The following TMPRSS5 variants were observed in gnomAD, a reference collection of about 807,000 sequenced individuals.
The protein encoded by TMPRSS5 is transmembrane protease serine 5.
A neutral mutation model predicts 59.7 loss-of-function variants in TMPRSS5; 45 were observed. That is an observed-to-expected ratio of 0.75 (90% CI 0.59 to 0.97). The LOEUF (loss-of-function observed/expected upper bound fraction) is 0.97. Among genes scored for constraint, TMPRSS5 ranks in the 50% least tolerant of loss-of-function variants. TMPRSS5 has a pLI of 0.00. For missense variants in TMPRSS5, 585 were observed against 596.7 expected, an observed-to-expected ratio of 0.98 and a Z score of 0.20; for synonymous variants, 225 against 232.0, an observed-to-expected ratio of 0.97 and a Z score of 0.27.
intron 1 of TMPRSS5, among the ~76,000 whole-genome samples, chr11:113,703,781 T>A (rs1020165254): frequency 2.6e-5 from 4 of 152,220 alleles, no homozygotes; most frequent in Non-Finnish European, 5.9e-5. Context: ...CACTTCTTTC[T>A]CCTGCCAGCA....
intron 6 of TMPRSS5, among the ~76,000 whole-genome samples, chr11:113,696,297 C>T (rs1952926488): frequency 6.6e-6 from 1 of 152,148 alleles, no homozygotes; most frequent in South Asian, 2.1e-4. Context: ...AGACCCTCTC[C>T]GCTTGTGCCC....
At position 113,689,844 on chromosome 11, in the gene TMPRSS5, C is replaced by G; in HGVS notation, c.1280G>C (p.Arg427Pro). 6.3e-7 allele frequency: 1 copy of G among 1,593,464 alleles called. No individual in the cohort carries two copies. Among genetic ancestry groups the G allele is most frequent in the Non-Finnish European group, 8.5e-7 (1 of 1,170,100 alleles). The change falls in exon 12 of 13, where the codon CGT becomes CCT. Residue 427 changes from arginine (R) to proline (P), a missense_variant. Arg to Pro is a moderately radical substitution (Grantham distance 103). Coordinates refer to ENST00000299882, the MANE Select transcript of TMPRSS5 (RefSeq NM_030770.4). ...WRLVGVVSWG[R>P]GCAEPNHPGV... ...TGGGTGATTGGGCTCTGCGCAGCCA[C>G]GCCCCCAGCTGACCACCCCCACTAG...
rs530800664 is a variant in TMPRSS5 at position 113,699,215 on chromosome 11, C to G, written c.206-188G>C. Among the ~76,000 whole-genome samples the G allele has an allele frequency of 0.32, 6,502 of 20,284 alleles. 203 individuals carry two copies. The highest frequency in any genetic ancestry group is 0.4 in the African/African-American group (1,982 of 4,990). The allele number at this position is 20,284 out of a possible 152,430, so 13.3% of individuals were successfully genotyped here. ...TTGACTCTCCTTTGTCTGTCTGTCT[C>G]TCTCTCTCTCTCTCTCTCTCTCTCT... On this transcript the variant is annotated intron_variant, in intron 3 of 12. Coordinates refer to ENST00000299882, the MANE Select transcript of TMPRSS5 (RefSeq NM_030770.4).
rs775076525 is a variant in TMPRSS5, at chr11:113,689,903, GC to G, written c.1220del (p.Gly407AlafsTer3). The G allele has an allele frequency of 6.4e-7, 1 of 1,561,458 alleles. No individual in the cohort carries two copies. Among genetic ancestry groups the G allele is most frequent in the Non-Finnish European group, 8.7e-7 (1 of 1,152,678 alleles). On this transcript the variant is annotated frameshift_variant, in exon 12 of 13. Coordinates refer to ENST00000299882, the MANE Select transcript of TMPRSS5 (RefSeq NM_030770.4). LOFTEE classifies it high-confidence loss of function. ...TGTCCCCATCTGGGCACACTAGGGG[GC>G]CCCCGCTATCTCCCTAAGGGATCCA... ...RADACQGDSG[G>X]PLVCPDGDTW... is the part of the protein sequence containing the mutation.
rs1952761657 is a variant in TMPRSS5 at position 113,690,922 on chromosome 11, A to ACACAGCGCC, written c.973_981dup (p.Gly325_Val327dup). Reference sequence around the variant, plus strand: ...AAATGCTGTTCCTTGGCCGGCAGGCACACAGCGCCCACAGTGTCTGTAGAG... The same window carrying ACACAGCGCC: ...AAATGCTGTTCCTTGGCCGGCAGGCACACAGCGCCCACAGCGCCCACAGTGTCTGTAGAG... On this transcript the variant is annotated inframe_insertion, in exon 10 of 13. Coordinates refer to ENST00000299882, the MANE Select transcript of TMPRSS5 (RefSeq NM_030770.4). The ACACAGCGCC allele has an allele frequency of 1.3e-6, 2 of 1,590,424 alleles. No homozygotes were observed. The highest frequency in any genetic ancestry group is 4.6e-5 in the East Asian group (2 of 43,644).
intron 9 of TMPRSS5, among the ~76,000 whole-genome samples, chr11:113,692,384 G>A (rs1480287182): frequency 1.3e-5 from 2 of 152,168 alleles, no homozygotes; most frequent in African/African-American, 2.4e-5. Context: ...GTGTTCATGT[G>A]AGCACGTACA....
At chr11:113,698,470 C>T (rs1341078565) in intron 4 of TMPRSS5, among the ~76,000 whole-genome samples, 1 of 152,160 alleles carries the variant, frequency 6.6e-6, no homozygotes, top group Non-Finnish European at 1.5e-5. Context: ...CAGCATTGTA[C>T]CTTCTGATCC....
intron 9 of TMPRSS5, among the ~76,000 whole-genome samples, chr11:113,692,467 T>C (rs1353133241): frequency 6.6e-6 from 1 of 152,276 alleles, no homozygotes; most frequent in East Asian, 1.9e-4. Flanking sequence ...TGTGTGTGTT[T>C]GTAGGTGAAT....
At chr11:113,704,441 C>T (rs1317367467) in intron 1 of TMPRSS5, among the ~76,000 whole-genome samples, 2 of 152,140 alleles carry the variant, frequency 1.3e-5, no homozygotes, top group Non-Finnish European at 1.5e-5. Flanking sequence ...CCCATCTCTA[C>T]CCCATGAGTC....
chr11:113,705,103 C>T (rs908548389), intron 1 of TMPRSS5, among the ~76,000 whole-genome samples: 9 of 152,148 alleles, frequency 5.9e-5, no homozygotes, highest in African/African-American at 2.2e-4. Context: ...GTCTCCCCTG[C>T]ATCTTTCCCT....
At position 113,690,882 on chromosome 11, in the gene TMPRSS5, C is replaced by A. The variant is rs568115704; in HGVS notation, c.1022G>T (p.Arg341Leu). The change falls in exon 10 of 13, where the codon CGG becomes CTG. Residue 341 changes from arginine to leucine, a missense_variant. Physicochemically the swap from Arg to Leu is moderately radical, Grantham distance 102 (BLOSUM62 -2). Coordinates refer to ENST00000299882, the MANE Select transcript of TMPRSS5 (RefSeq NM_030770.4). ...GTGGCCCCAGCCAGACACCCAGCAC[C>A]GCGAGCCCTTCGGAAAATGCTGTTC... ...AKEQHFPKGS[R>L]CWVSGWGHTH... 2.1e-5 allele frequency: 33 copies of A among 1,597,322 alleles called. No homozygotes were observed. The South Asian group carries it at 3.4e-4, about 17-fold the overall frequency.
intron 10 of TMPRSS5, 39 bp downstream of exon 10, chr11:113,690,802 C>T (rs1365186609): frequency 1.3e-6 from 2 of 1,534,914 alleles, no homozygotes; most frequent in South Asian, 1.2e-5. Context: ...ATGCCTCCCA[C>T]ACCCGCCCCT....
intron 1 of TMPRSS5, among the ~76,000 whole-genome samples, chr11:113,705,014 C>G (rs1238465568): frequency 6.6e-6 from 1 of 152,042 alleles, no homozygotes; most frequent in Non-Finnish European, 1.5e-5. Context: ...GTGGATCCTT[C>G]CCCCCAAAAT....
intron 7 of TMPRSS5, 117 bp downstream of exon 7, chr11:113,695,283 G>T: frequency 1.8e-6 from 2 of 1,111,036 alleles, no homozygotes; most frequent in Non-Finnish European, 2.6e-6. Flanking sequence ...TGGGCAGGTG[G>T]GCAAGACCCC....
In TMPRSS5 at chr11:113,694,624, G is replaced by A. The variant is rs1281826862; in HGVS notation, c.639C>T (p.Pro213=). Residue 213 remains proline (P), a synonymous_variant, in exon 8 of 13, where the codon CCC becomes CCT. Transcript: ENST00000299882. ...SLRCSECGAR[P]LASRIVGGQS... Reference sequence around the variant, plus strand: ...GCCCACCAACTATCCGGGAAGCCAGGGGCCTCGCTCCACACTCTGCCAACA... The same window carrying A: ...GCCCACCAACTATCCGGGAAGCCAGAGGCCTCGCTCCACACTCTGCCAACA... 1.5e-5 allele frequency: 23 copies of A among 1,548,282 alleles called. No individual in the cohort carries two copies. Among genetic ancestry groups the A allele is most frequent in the Non-Finnish European group, 2.0e-5 (23 of 1,146,182 alleles).
rs1259783962 is a variant in TMPRSS5, at chr11:113,696,881, G to A, written c.555C>T (p.Phe185=). ...ACCTGGGCTGCCACGCCTCCTCCAGGAAGCCTCCCAGTCTAGGAGAGAGCT... is the reference window on the plus strand; with the variant it reads ...ACCTGGGCTGCCACGCCTCCTCCAGAAAGCCTCCCAGTCTAGGAGAGAGCT... ...FAQLSPRLGG[F]LEEAWQPRNN... Residue 185 remains phenylalanine, a synonymous_variant, in exon 6 of 13, where the codon TTC becomes TTT. Transcript: ENST00000299882. 5.1e-6 allele frequency: 8 copies of A among 1,569,218 alleles called. No homozygotes were observed. Among genetic ancestry groups the A allele is most frequent in the Non-Finnish European group, 6.1e-6 (7 of 1,156,376 alleles).
intron 4 of TMPRSS5, among the ~76,000 whole-genome samples, chr11:113,698,062 C>G (rs1962170): frequency 0.021 from 3,235 of 152,276 alleles, 59 homozygotes; most frequent in Middle Eastern, 0.075. Context: ...AGAGCTCCCT[C>G]TCTCCTCAAG....
rs1439131221 is a variant in TMPRSS5, at chr11:113,694,611, T to A, written c.652A>T (p.Ile218Leu). 3 of 1,547,788 alleles carry A rather than the reference T, an allele frequency of 1.9e-6. No homozygotes were observed. Among genetic ancestry groups the A allele is most frequent in the Non-Finnish European group, 1.7e-6 (2 of 1,146,222 alleles). The change falls in exon 8 of 13, where the codon ATA becomes TTA. Residue 218 changes from isoleucine (I) to leucine (L), a missense_variant. Coordinates refer to ENST00000299882, the MANE Select transcript of TMPRSS5 (RefSeq NM_030770.4). ...GGAGCCACAGACTGCCCACCAACTA[T>A]CCGGGAAGCCAGGGGCCTCGCTCCA... is the stretch of plus-strand genomic sequence containing the variant. ...ECGARPLASRIVGGQSVAPGR... is the reference protein window; with the variant it reads ...ECGARPLASRLVGGQSVAPGR...
At chr11:113,690,176 G>GGGCCC in intron 11 of TMPRSS5, 55 bp downstream of exon 11, 6 of 388,228 alleles carry the variant, frequency 1.5e-5, no homozygotes, top group East Asian at 4.7e-5. Flanking sequence ...CAGGCCCCCT[G>GGGCCC]CCCTCCCACC....
Sources: gnomAD v4.1 joint callset for allele counts (sites outside exome capture counted in the v4.1 genomes callset) on GRCh38, gnomAD v4.1.1 for gene constraint, MANE v1.5 for transcripts, NCBI Gene and HGNC (gene_info 2026-07-23, HGNC 2026-07-21) for gene names.